The following TENM4 variants were observed in gnomAD, a reference collection of about 807,000 sequenced individuals.
TENM4 encodes the protein teneurin-4.
In TENM4, 82 loss-of-function variants were observed where a neutral mutation model predicts 243.3. The ratio of observed to expected loss-of-function variants is 0.34; its 90% CI spans 0.28 to 0.40. The LOEUF is 0.40. Among genes scored for constraint, TENM4 ranks in the 10% least tolerant of loss-of-function variants. The pLI is 1.00. For synonymous variants in TENM4, 1,412 were observed against 1,456.3 expected (o/e 0.97, Z 0.69); for missense variants, 3,138 against 3,673.3 (o/e 0.85, Z 3.77).
intron 5 of TENM4, among the ~76,000 whole-genome samples, chr11:79,066,730 G>GCGCA (rs1555001930): frequency 1.3e-5 from 2 of 150,606 alleles, no homozygotes; most frequent in Non-Finnish European, 3.0e-5. Context: ...GAGCACACAC[G>GCGCA]CGCACGCACA....
intron 3 of TENM4, among the ~76,000 whole-genome samples, chr11:79,169,382 G>T (rs1397518334): frequency 6.6e-6 from 1 of 152,122 alleles, no homozygotes; most frequent in Non-Finnish European, 1.5e-5. Context: ...ATCGCAAGAG[G>T]GAGGGCGGTG....
intron 6 of TENM4, among the ~76,000 whole-genome samples, chr11:78,964,233 G>A (rs1040586408): frequency 2.6e-5 from 4 of 151,818 alleles, no homozygotes; most frequent in Admixed American, 1.3e-4. Context: ...AGTAGAGACA[G>A]GGTTTCACCA....
chr11:79,272,978 T>G (rs529232079), intron 2 of TENM4, among the ~76,000 whole-genome samples: 12 of 152,192 alleles, frequency 7.9e-5, no homozygotes, highest in Non-Finnish European at 1.5e-4. Flanking sequence ...CCCTGGACAT[T>G]GATCTGCTCA....
intron 18 of TENM4, among the ~76,000 whole-genome samples, chr11:78,759,221 C>A (rs1379131542): frequency 6.6e-6 from 1 of 152,188 alleles, no homozygotes; most frequent in African/African-American, 2.4e-5. Flanking sequence ...CCTAGCAAAG[C>A]ACCTGTCTTC....
chr11:78,870,730 G>A (rs146085802), intron 9 of TENM4, among the ~76,000 whole-genome samples: 279 of 152,232 alleles, frequency 1.8e-3, no homozygotes, highest in Middle Eastern at 0.01. Context: ...AAATCATGGC[G>A]GAGTTGGTCC....
chr11:79,212,047 C>T (rs536230031), intron 3 of TENM4, among the ~76,000 whole-genome samples: 9 of 152,280 alleles, frequency 5.9e-5, no homozygotes, highest in Admixed American at 5.9e-4. Flanking sequence ...ACATTTAGTG[C>T]CCCAGCACCG....
intron 24 of TENM4, 139 bp from the exon 25 acceptor site, chr11:78,720,529 G>T: frequency 3.6e-6 from 3 of 831,382 alleles, no homozygotes; most frequent in South Asian, 1.6e-5. Flanking sequence ...TAGCAGCTGT[G>T]ACACTGATGT....
intron 2 of TENM4, among the ~76,000 whole-genome samples, chr11:79,232,287 G>A (rs545154756): frequency 6.6e-6 from 1 of 152,294 alleles, no homozygotes; most frequent in Non-Finnish European, 1.5e-5. Flanking sequence ...GTTTCAGATA[G>A]TACAGAGGCT....
chr11:79,211,833 C>T (rs977229825), intron 3 of TENM4, among the ~76,000 whole-genome samples: 5 of 152,052 alleles, frequency 3.3e-5, no homozygotes, highest in Non-Finnish European at 7.4e-5. Flanking sequence ...AAGAGTAAAA[C>T]AGAATGCTGA....
intron 6 of TENM4, among the ~76,000 whole-genome samples, chr11:79,048,473 C>G (rs1427509474): frequency 6.6e-6 from 1 of 152,132 alleles, no homozygotes; most frequent in Non-Finnish European, 1.5e-5. Flanking sequence ...ATCCTGGACC[C>G]CACCCCCAAA....
chr11:79,268,773 T>G (rs1446991904), intron 2 of TENM4, among the ~76,000 whole-genome samples: 1 of 152,210 alleles, frequency 6.6e-6, no homozygotes, highest in African/African-American at 2.4e-5. Context: ...ACTTTTCACA[T>G]TTTTGTGCTG....
Position 78,854,134 on chromosome 11 carries a change from C to T in TENM4, c.1651G>A (p.Glu551Lys). The change falls in exon 12 of 34, where the codon GAA becomes AAA. Residue 551 changes from glutamate (E) to lysine (K), a missense_variant. Glu to Lys is a moderately conservative substitution (Grantham distance 56). Transcript: ENST00000278550. ...GCAGTGGTGAGAAAGGAAACCACTTCTGACTCCTTTCCGTCATTGTAAAAA... is the reference window on the plus strand; with the variant it reads ...GCAGTGGTGAGAAAGGAAACCACTTTTGACTCCTTTCCGTCATTGTAAAAA... ...LAFYNDGKES[E>K]VVSFLTTAIE... is the part of the protein sequence containing the mutation. The T allele has an allele frequency of 1.9e-6, 3 of 1,551,764 alleles. No individual in the cohort carries two copies. The highest frequency in any genetic ancestry group is 1.7e-6 in the Non-Finnish European group (2 of 1,146,986).
intron 1 of TENM4, among the ~76,000 whole-genome samples, chr11:79,329,513 G>A (rs1857027407): frequency 6.6e-6 from 1 of 152,212 alleles, no homozygotes; most frequent in South Asian, 2.1e-4. Context: ...GCTTTGAGCA[G>A]GAGCAGAGGT....
intron 6 of TENM4, among the ~76,000 whole-genome samples, chr11:78,969,962 A>T (rs1452529626): frequency 1.3e-5 from 2 of 152,246 alleles, no homozygotes; most frequent in African/African-American, 2.4e-5. Context: ...CAACCTTTCC[A>T]GAAACATTTT....
rs188593703 is a variant in TENM4, at chr11:78,966,961, C to A, written c.494-63438G>T. ...CTGAACGGCAACCCATGGAGCACAA[C>A]CACAAAAGTTTTGCCTCTGAGCTTT... On this transcript the variant is annotated intron_variant, in intron 6 of 33. Transcript: ENST00000278550. 4.7e-3 allele frequency among the ~76,000 whole-genome samples: 718 copies of A among 152,298 alleles called. 8 individuals are homozygous for A. The highest frequency in any genetic ancestry group is 0.017 in the African/African-American group (688 of 41,576).
rs59337392 is a variant in TENM4, at chr11:78,878,841, G to A, written c.1084+10944C>T. On this transcript the variant is annotated intron_variant, in intron 9 of 33. Coordinates refer to ENST00000278550, the MANE Select transcript of TENM4 (RefSeq NM_001098816.3). The stretch of plus-strand genomic sequence containing the variant: ...ATATGAAATAAGAAAACAGAGCAGA[G>A]GCACAAAGATGTTTACAGAAGTGCT... Among the ~76,000 whole-genome samples the A allele has an allele frequency of 1.2e-3, 185 of 152,326 alleles. 3 individuals carry two copies. Among genetic ancestry groups the A allele is most frequent in the Admixed American group, 2.5e-3 (38 of 15,296 alleles).
intron 4 of TENM4, among the ~76,000 whole-genome samples, chr11:79,140,067 C>A (rs1862257354): frequency 6.6e-6 from 1 of 151,594 alleles, no homozygotes; most frequent in Admixed American, 6.6e-5. Context: ...GGGCACAGAG[C>A]CCTTCACATC....
At chr11:79,012,162 A>G (rs1236135762) in intron 6 of TENM4, among the ~76,000 whole-genome samples, 1 of 152,234 alleles carries the variant, frequency 6.6e-6, no homozygotes, top group East Asian at 1.9e-4. Flanking sequence ...GAATTTGATC[A>G]GCACAATTTC....
intron 6 of TENM4, among the ~76,000 whole-genome samples, chr11:78,983,548 G>C (rs1476665686): frequency 6.6e-6 from 1 of 152,246 alleles, no homozygotes; most frequent in Non-Finnish European, 1.5e-5. Context: ...GCTCTATGGG[G>C]GTTCTGATGA....
Sources: allele counts gnomAD v4.1 joint callset (sites outside exome capture counted in the v4.1 genomes callset), GRCh38; gene constraint gnomAD v4.1.1; transcripts MANE v1.5; gene names NCBI Gene and HGNC (gene_info 2026-07-23, HGNC 2026-07-21).